LCN10: variants seen among roughly 807,000 people sequenced by gnomAD.
LCN10 encodes the protein lipocalin 10.
In LCN10, 18 loss-of-function variants were observed where a neutral mutation model predicts 25.1. The observed-to-expected ratio is 0.72, with a 90% CI of 0.50 to 1.06. The LOEUF (loss-of-function observed/expected upper bound fraction) is 1.06, where lower values mean the gene tolerates loss of function less well. Among genes scored for constraint, LCN10 ranks in the 50% least tolerant of loss-of-function variants. The pLI is 0.00. For missense variants in LCN10, 257 were observed against 258.9 expected (o/e 0.99, Z 0.05); for synonymous variants, 130 against 116.7 (o/e 1.11, Z -0.73).
Position 136,739,857 on chromosome 9 carries a change from G to C in LCN10, c.574+93C>G. The C allele has an allele frequency of 9.4e-7, 1 of 1,060,910 alleles. No individual in the cohort carries two copies. The highest frequency in any genetic ancestry group is 1.3e-5 in the South Asian group (1 of 74,232). 65.7% of individuals were successfully genotyped at this position (1,060,910 alleles called of 1,614,324 possible). A position where few individuals can be genotyped will look rare whatever the true frequency, so the allele number is the denominator to read the frequency against. ...TCTTTCAAATGGCACCTTTCAAATGGATCCTTTCATCTCTCCTTCCCCCAA... is the reference window on the plus strand; with the variant it reads ...TCTTTCAAATGGCACCTTTCAAATGCATCCTTTCATCTCTCCTTCCCCCAA... On this transcript the variant is annotated intron_variant, in intron 5 of 5. Coordinates refer to ENST00000497771, the MANE Select transcript of LCN10 (RefSeq NM_001001712.3). The surrounding 1 kb of genome is among the most constrained non-coding windows in gnomAD (Gnocchi z 6.1).
rs1846856528 is a variant in LCN10 at position 136,738,223 on chromosome 9, C to G, written c.*1302G>C. 1 of 152,214 alleles carries G rather than the reference C, an allele frequency of 6.6e-6. No individual in the cohort carries two copies. The highest frequency in any genetic ancestry group is 2.4e-5 in the African/African-American group (1 of 41,444). 9.4% of individuals were successfully genotyped at this position (152,214 alleles called of 1,614,324 possible). A position where few individuals can be genotyped will look rare whatever the true frequency, so the allele number is the denominator to read the frequency against. On this transcript the variant is annotated 3_prime_UTR_variant, in exon 6 of 6. Transcript: ENST00000497771. Reference sequence around the variant, plus strand: ...TCATAAGAGATTGCAGCCAGCAGGGCAGCCCTTCTGACAGGCTAGGAAGCG... The same window carrying G: ...TCATAAGAGATTGCAGCCAGCAGGGGAGCCCTTCTGACAGGCTAGGAAGCG...
rs2131065502 is a variant in LCN10, at chr9:136,738,496, A to C, written c.*1029T>G. 1 of 152,222 alleles carries C rather than the reference A, an allele frequency of 6.6e-6. No individual in the cohort carries two copies. The highest frequency in any genetic ancestry group is 1.9e-4 in the East Asian group (1 of 5,176). The allele number at this position is 152,222 out of a possible 1,614,324, so 9.4% of individuals were successfully genotyped here. A position where few individuals can be genotyped will look rare whatever the true frequency, so the allele number is the denominator to read the frequency against. On this transcript the variant is annotated 3_prime_UTR_variant, in exon 6 of 6. Coordinates refer to ENST00000497771, the MANE Select transcript of LCN10 (RefSeq NM_001001712.3). ...ACCCCTTACCCCGTCATGGCTGAGG[A>C]CTCGGGTTCAGGGTTTCTTTGGGAT...
chr9:136,739,811 T>G lies in LCN10; in HGVS notation c.574+139A>C, dbSNP rs1588295955. ...CCCGATTCTCAGGGGCGGCAGGAGG[T>G]GGGAGGCACGTTTGGGCGGATCTTT... On this transcript the variant is annotated intron_variant, in intron 5 of 5. Coordinates refer to ENST00000497771, the MANE Select transcript of LCN10 (RefSeq NM_001001712.3). This position sits in a 1 kb window ranked among gnomAD's most constrained non-coding sequence, Gnocchi z 6.1. 1.2e-6 allele frequency: 1 copy of G among 847,596 alleles called. No homozygotes were observed. Among genetic ancestry groups the G allele is most frequent in the South Asian group, 1.5e-5 (1 of 67,118 alleles). The allele number at this position is 847,596 out of a possible 1,614,324, so 52.5% of individuals were successfully genotyped here.
In LCN10 at chr9:136,740,973, G is replaced by A. The variant is rs775226295; in HGVS notation, c.368-30C>T. Reference sequence around the variant, plus strand: ...AAGAGATGCCCAGAGATGCCCGCTGGTTCCCGGATGGCGTGGCTGTGCCCG... The same window carrying A: ...AAGAGATGCCCAGAGATGCCCGCTGATTCCCGGATGGCGTGGCTGTGCCCG... On this transcript the variant is annotated intron_variant, in intron 3 of 5. Transcript: ENST00000497771. The surrounding 1 kb of genome is among the most constrained non-coding windows in gnomAD (Gnocchi z 5.3). The A allele has an allele frequency of 1.3e-6, 2 of 1,579,978 alleles. No homozygotes were observed. The highest frequency in any genetic ancestry group is 1.1e-5 in the South Asian group (1 of 90,050).
chr9:136,739,938 G>A lies in LCN10; in HGVS notation c.574+12C>T, dbSNP rs1177071899. On this transcript the variant is annotated intron_variant, in intron 5 of 5. Coordinates refer to ENST00000497771, the MANE Select transcript of LCN10 (RefSeq NM_001001712.3). The surrounding 1 kb of genome is among the most constrained non-coding windows in gnomAD (Gnocchi z 6.1). Reference sequence around the variant, plus strand: ...AGGGCCAGGAGGGCAAAGGGCTGAGGGCACAGCTTACCGTCTTTCGGGAGG... The same window carrying A: ...AGGGCCAGGAGGGCAAAGGGCTGAGAGCACAGCTTACCGTCTTTCGGGAGG... 6.4e-7 allele frequency: 1 copy of A among 1,573,722 alleles called. No individual in the cohort carries two copies. The highest frequency in any genetic ancestry group is 8.6e-7 in the Non-Finnish European group (1 of 1,158,532).
In LCN10 at chr9:136,741,862, G is replaced by A. The variant is rs1396290667; in HGVS notation, c.257+19C>T. On this transcript the variant is annotated intron_variant, in intron 2 of 5. Transcript: ENST00000497771. ...TCCTGGAAGGGGAGACCCTTGCCTG[G>A]GGGGCGCTGCCCACTCACCGTCTGA... The A allele has an allele frequency of 6.3e-7, 1 of 1,592,342 alleles. No homozygotes were observed. The highest frequency in any genetic ancestry group is 1.1e-5 in the South Asian group (1 of 87,582).
chr9:136,741,754 G>A (rs1846940515), intron 2 of LCN10, 127 bp downstream of exon 2: 2 of 1,285,056 alleles, frequency 1.6e-6, no homozygotes, highest in Non-Finnish European at 2.1e-6. Context: ...TTAGGGGGAG[G>A]AAGTGGGGGG....
At chr9:136,742,566 AC>A (rs902319907) in intron 1 of LCN10, 28 of 571,914 alleles carry the variant, frequency 4.9e-5, no homozygotes, top group Non-Finnish European at 7.9e-5. Context: ...GCCCTCCCTG[AC>A]CCCCCTGGGC....
chr9:136,742,158 C>T (rs1027648718), intron 1 of LCN10, 138 bp from the exon 2 acceptor site: 5 of 1,100,728 alleles, frequency 4.5e-6, no homozygotes, highest in African/African-American at 1.6e-5. Context: ...GGTGCCGCCT[C>T]GGTCCCGGCC....
In LCN10 at chr9:136,741,379, G is replaced by C; in HGVS notation, c.258-18C>G. On this transcript the variant is annotated intron_variant, in intron 2 of 5. Transcript: ENST00000497771. ...CCTTCAACCTGGGGCCAAGGCGGGG[G>C]CTCAGGCTGCAGACCAGGGAACCCC... 6.3e-7 allele frequency: 1 copy of C among 1,576,480 alleles called. No homozygotes were observed. The highest frequency in any genetic ancestry group is 2.2e-5 in the East Asian group (1 of 44,710).
At chr9:136,741,672 G>A (rs1049869806) in intron 2 of LCN10, 3 of 694,074 alleles carry the variant, frequency 4.3e-6, no homozygotes, top group Non-Finnish European at 7.1e-6. Context: ...GGGGTCCCAA[G>A]GTCTGCAGGC....
At chr9:136,741,648 A>G in intron 2 of LCN10, 1 of 638,288 alleles carries the variant, frequency 1.6e-6, no homozygotes, top group Non-Finnish European at 2.7e-6. Flanking sequence ...CTTCCTCCCA[A>G]CACCTACCCA....
At position 136,740,663 on chromosome 9, in the gene LCN10, C is replaced by G; in HGVS notation, c.475+173G>C. The G allele has an allele frequency of 1.7e-6, 1 of 595,394 alleles. No homozygotes were observed. 36.9% of individuals were successfully genotyped at this position (595,394 alleles called of 1,614,324 possible). A position where few individuals can be genotyped will look rare whatever the true frequency, so the allele number is the denominator to read the frequency against. On this transcript the variant is annotated intron_variant, in intron 4 of 5. Transcript: ENST00000497771. This position sits in a 1 kb window ranked among gnomAD's most constrained non-coding sequence, Gnocchi z 5.3. ...TCCCCTATCCTTGCTTCAGCGACCT[C>G]CAGGACCTGACTGCTGTGGTCTCGG... is the stretch of plus-strand genomic sequence containing the variant.
In LCN10 at chr9:136,739,644, C is replaced by A; in HGVS notation, c.575-91G>T. ...CGTCTCCCCCGGCCGCTCCCTGGTT[C>A]CATGCGTGCTCGTCTTGGGCACCAC... is the stretch of plus-strand genomic sequence containing the variant. On this transcript the variant is annotated intron_variant, in intron 5 of 5. Coordinates refer to ENST00000497771, the MANE Select transcript of LCN10 (RefSeq NM_001001712.3). This position sits in a 1 kb window ranked among gnomAD's most constrained non-coding sequence, Gnocchi z 6.1. The A allele has an allele frequency of 8.0e-7, 1 of 1,245,332 alleles. No homozygotes were observed. The highest frequency in any genetic ancestry group is 1.3e-5 in the South Asian group (1 of 77,698). The allele number at this position is 1,245,332 out of a possible 1,614,324, so 77.1% of individuals were successfully genotyped here. A position where few individuals can be genotyped will look rare whatever the true frequency, so the allele number is the denominator to read the frequency against.
intron 1 of LCN10, 91 bp downstream of exon 1, chr9:136,742,696 T>C (rs937558139): frequency 1.4e-6 from 2 of 1,476,308 alleles, no homozygotes; most frequent in African/African-American, 1.4e-5. Flanking sequence ...CTGGTAGCCC[T>C]GCTCCTGGGC....
Position 136,738,573 on chromosome 9 carries a change from C to A in LCN10, c.*952G>T, listed in dbSNP as rs537095582. The A allele has an allele frequency of 1.3e-5, 2 of 152,294 alleles. No individual in the cohort carries two copies. Among genetic ancestry groups the A allele is most frequent in the African/African-American group, 4.8e-5 (2 of 41,544 alleles). 9.4% of individuals were successfully genotyped at this position (152,294 alleles called of 1,614,324 possible). A position where few individuals can be genotyped will look rare whatever the true frequency, so the allele number is the denominator to read the frequency against. ...ATTCAGTTGGGGGGTTCATCTCAGA[C>A]AACCTCCCGTCATCACCCCTTGAGT... On this transcript the variant is annotated 3_prime_UTR_variant, in exon 6 of 6. Coordinates refer to ENST00000497771, the MANE Select transcript of LCN10 (RefSeq NM_001001712.3).
rs967151065 is a variant in LCN10 at position 136,740,457 on chromosome 9, A to G, written c.475+379T>C. 3 of 430,532 alleles carry G rather than the reference A, an allele frequency of 7.0e-6. No homozygotes were observed. Among genetic ancestry groups the G allele is most frequent in the Non-Finnish European group, 1.3e-5 (3 of 232,598 alleles). The allele number at this position is 430,532 out of a possible 1,614,324, so 26.7% of individuals were successfully genotyped here. A position where few individuals can be genotyped will look rare whatever the true frequency, so the allele number is the denominator to read the frequency against. ...TCTAGAATTGGGTTTGTGGCCCTTA[A>G]CCCACACTGGGTCACTTCCACACCC... On this transcript the variant is annotated intron_variant, in intron 4 of 5. Coordinates refer to ENST00000497771, the MANE Select transcript of LCN10 (RefSeq NM_001001712.3). This position sits in a 1 kb window ranked among gnomAD's most constrained non-coding sequence, Gnocchi z 5.3.
Position 136,739,693 on chromosome 9 carries a change from G to A in LCN10, c.575-140C>T, listed in dbSNP as rs961325016. The stretch of plus-strand genomic sequence containing the variant: ...ACGAGAACACAGCCATGCAGCCCCC[G>A]ATCCTGCAGCCACAGCCACGGCATC... On this transcript the variant is annotated intron_variant, in intron 5 of 5. Coordinates refer to ENST00000497771, the MANE Select transcript of LCN10 (RefSeq NM_001001712.3). This position sits in a 1 kb window ranked among gnomAD's most constrained non-coding sequence, Gnocchi z 6.1. 1.7e-5 allele frequency: 14 copies of A among 847,724 alleles called. No individual in the cohort carries two copies. Among genetic ancestry groups the A allele is most frequent in the African/African-American group, 1.2e-4 (7 of 59,720 alleles). The allele number at this position is 847,724 out of a possible 1,614,324, so 52.5% of individuals were successfully genotyped here.
chr9:136,742,582 G>A (rs1296750181), intron 1 of LCN10: 15 of 583,234 alleles, frequency 2.6e-5, no homozygotes, highest in South Asian at 2.4e-4. Context: ...CTGGGCCCCC[G>A]AACCCCCTCG....
Sources: gnomAD v4.1 joint callset for allele counts on GRCh38, gnomAD v4.1.1 for gene constraint, Gnocchi (gnomAD v3.1) non-coding constraint, MANE v1.5 for transcripts, NCBI Gene and HGNC (gene_info 2026-07-23, HGNC 2026-07-21) for gene names.